Variants in MEGF6 observed in about 807,000 individuals in gnomAD.
MEGF6 encodes the protein multiple EGF like domains 6.
Under a neutral mutation model 207.1 loss-of-function variants are expected in MEGF6, and 184 were observed. The observed-to-expected ratio is 0.89, with a 90% CI of 0.79 to 1.00. The LOEUF is 1.00. Ranked by LOEUF, MEGF6 falls within the 50% of genes least tolerant of loss-of-function variation. MEGF6 has a pLI of 0.00. For synonymous variants in MEGF6, 1,038 were observed against 910.0 expected, an observed-to-expected ratio of 1.14 and a Z score of -2.53; for missense variants, 2,282 against 2,202.9, an observed-to-expected ratio of 1.04 and a Z score of -0.72.
intron 14 of MEGF6, 28 bp from the exon 15 acceptor site, chr1:3,506,264 C>T (rs767511039): frequency 6.2e-7 from 1 of 1,602,652 alleles, no homozygotes; most frequent in South Asian, 1.1e-5. Context: ...CCATGTGAAC[C>T]TTGGTGGCAG....
intron 2 of MEGF6, among the ~76,000 whole-genome samples, chr1:3,596,684 G>A (rs1171043946): frequency 1.0e-5 from 1 of 97,920 alleles, no homozygotes. Flanking sequence ...CCCAGACCCT[G>A]TCTCCACCCC....
Position 3,509,059 on chromosome 1 carries a change from C to T in MEGF6, c.1528+16G>A. ...CCCTGCGAGCAGGAGCCCCCGGGGG[C>T]TGGGCCCGCGCTCACCAAACTTCTC... is the stretch of plus-strand genomic sequence containing the variant. On this transcript the variant is annotated intron_variant, in intron 12 of 36. Coordinates refer to ENST00000356575, the MANE Select transcript of MEGF6 (RefSeq NM_001409.4). 2 of 1,535,558 alleles carry T rather than the reference C, an allele frequency of 1.3e-6. No individual in the cohort carries two copies. Among genetic ancestry groups the T allele is most frequent in the Non-Finnish European group, 1.7e-6 (2 of 1,143,434 alleles).
chr1:3,524,197 C>T lies in MEGF6; in HGVS notation c.531G>A (p.Val177=), dbSNP rs1376170185. Residue 177 remains valine (V), a synonymous_variant, in exon 5 of 37, where the codon GTG becomes GTA. Transcript: ENST00000356575. The part of the protein sequence containing the change: ...THNGGCQHRC[V]NTPGSYLCEC... The stretch of plus-strand genomic sequence containing the variant: ...CACAGAGGTAGGAGCCTGGGGTGTT[C>T]ACGCACCGGTGCTGGCAGCCACCGT... The T allele has an allele frequency of 6.2e-7, 1 of 1,612,788 alleles. No individual in the cohort carries two copies. Among genetic ancestry groups the T allele is most frequent in the African/African-American group, 1.3e-5 (1 of 74,940 alleles).
Position 3,496,995 on chromosome 1 carries a change from G to C in MEGF6, c.3606C>G (p.Cys1202Trp). Reference sequence around the variant, plus strand: ...GGCACGGGCAGCACTCACGTTGCTGGCAGCTGGGGCCGTGGTAGCCAGCAG... The same window carrying C: ...GGCACGGGCAGCACTCACGTTGCTGCCAGCTGGGGCCGTGGTAGCCAGCAG... The part of the protein sequence containing the change: ...SCAAGYHGPS[C>W]QQRCPPGRYG... The change falls in exon 28 of 37, where the codon TGC becomes TGG. Residue 1202 changes from cysteine to tryptophan, a missense_variant. Transcript: ENST00000356575. 6.5e-7 allele frequency: 1 copy of C among 1,549,590 alleles called. No homozygotes were observed. The highest frequency in any genetic ancestry group is 8.7e-7 in the Non-Finnish European group (1 of 1,147,262).
chr1:3,522,520 T>C (rs2101174479), intron 5 of MEGF6, among the ~76,000 whole-genome samples: 1 of 143,530 alleles, frequency 7.0e-6, no homozygotes, highest in South Asian at 2.3e-4. Flanking sequence ...TGTGCAGACA[T>C]CCCCAGGACG....
intron 4 of MEGF6, among the ~76,000 whole-genome samples, chr1:3,540,329 G>A (rs79003430): frequency 0.011 from 1,606 of 152,366 alleles, 22 homozygotes; most frequent in Non-Finnish European, 0.016. Context: ...ATCCTGCCTG[G>A]AAGGAACACA....
intron 4 of MEGF6, among the ~76,000 whole-genome samples, chr1:3,547,687 C>T (rs1642758700): frequency 6.6e-6 from 1 of 152,218 alleles, no homozygotes; most frequent in Non-Finnish European, 1.5e-5. Flanking sequence ...GTTAGGAGCC[C>T]TGAACACCAC....
intron 4 of MEGF6, among the ~76,000 whole-genome samples, chr1:3,571,012 T>C (rs1215789724): frequency 6.6e-6 from 1 of 152,082 alleles, no homozygotes; most frequent in African/African-American, 2.4e-5. Flanking sequence ...CCAGCTTGTC[T>C]TCATGGCTGA....
intron 4 of MEGF6, among the ~76,000 whole-genome samples, chr1:3,553,914 C>T (rs957095942): frequency 7.2e-5 from 11 of 152,326 alleles, no homozygotes; most frequent in African/African-American, 1.9e-4. Context: ...AAAGTGCCGA[C>T]GTGGGTGGGT....
intron 13 of MEGF6, 51 bp downstream of exon 13, chr1:3,508,507 T>G: frequency 6.3e-7 from 1 of 1,587,760 alleles, no homozygotes; most frequent in Non-Finnish European, 8.6e-7. Context: ...CCCCAGGTCT[T>G]GGGGCTCAGA....
chr1:3,555,453 G>A (rs908146717), intron 4 of MEGF6, among the ~76,000 whole-genome samples: 1 of 152,232 alleles, frequency 6.6e-6, no homozygotes, highest in Non-Finnish European at 1.5e-5. Flanking sequence ...GTACAGGCAG[G>A]ATGAGAGCCG....
chr1:3,604,818 GA>G (rs1470153668), intron 1 of MEGF6, among the ~76,000 whole-genome samples: 1 of 152,136 alleles, frequency 6.6e-6, no homozygotes. Context: ...CCCAGAGTGA[GA>G]ATAGGGGAGG....
At chr1:3,616,297 G>A (rs532307719), upstream of MEGF6, among the ~76,000 whole-genome samples, 1 of 152,278 alleles carries the variant, frequency 6.6e-6, no homozygotes, top group South Asian at 2.1e-4. Context: ...CATCTTTTCT[G>A]AATTTTCACA....
At chr1:3,512,294 T>A (rs1290804051) in intron 7 of MEGF6, among the ~76,000 whole-genome samples, 166 bp from the exon 8 acceptor site, 2 of 152,234 alleles carry the variant, frequency 1.3e-5, no homozygotes, top group African/African-American at 4.8e-5. Context: ...GTCACAGCCC[T>A]GCAGGTCCCC....
At chr1:3,571,734 G>A in intron 4 of MEGF6, among the ~76,000 whole-genome samples, 1 of 119,726 alleles carries the variant, frequency 8.4e-6, no homozygotes, top group Admixed American at 7.5e-5. Flanking sequence ...CCTTGCGGGT[G>A]CACTGGGTCT....
chr1:3,493,069 G>A (rs1433274851), intron 34 of MEGF6: 1 of 443,862 alleles, frequency 2.3e-6, no homozygotes, highest in Non-Finnish European at 4.1e-6. Flanking sequence ...ACAGGAGCCA[G>A]TGTTCAGGGA....
intron 4 of MEGF6, among the ~76,000 whole-genome samples, chr1:3,563,526 G>T (rs1643261060): frequency 6.6e-6 from 1 of 152,248 alleles, no homozygotes; most frequent in Non-Finnish European, 1.5e-5. Flanking sequence ...CCACCATGGT[G>T]TGGCCAGCCC....
At chr1:3,508,054 C>T (rs1242452574) in intron 13 of MEGF6, 131 bp from the exon 14 acceptor site, 4 of 989,246 alleles carry the variant, frequency 4.0e-6, no homozygotes, top group East Asian at 5.3e-5. Context: ...TACCACATCA[C>T]CCCTGCCCAT....
At chr1:3,499,101 CT>C in intron 24 of MEGF6, 36 bp downstream of exon 24, 1 of 1,593,632 alleles carries the variant, frequency 6.3e-7, no homozygotes, top group Non-Finnish European at 8.5e-7. Context: ...TCGCTCAGGC[CT>C]GGACCCCGGT....
Sources: allele counts gnomAD v4.1 joint callset (sites outside exome capture counted in the v4.1 genomes callset), GRCh38; gene constraint gnomAD v4.1.1; transcripts MANE v1.5; gene names NCBI Gene and HGNC (gene_info 2026-07-23, HGNC 2026-07-21).